The following SIM1 variants were observed in gnomAD, a reference collection of about 807,000 sequenced individuals.
SIM1 encodes the protein SIM bHLH transcription factor 1.
In SIM1, 18 loss-of-function variants were observed where a neutral mutation model predicts 78.2. The ratio of observed to expected loss-of-function variants is 0.23; its 90% CI spans 0.16 to 0.34. The LOEUF is 0.34. SIM1 is among the 10% of genes least tolerant of loss of function. The pLI is 1.00. For missense variants in SIM1, 939 were observed against 975.1 expected (o/e 0.96, Z 0.49); for synonymous variants, 417 against 385.2 (o/e 1.08, Z -0.97).
At chr6:100,453,972 A>C in intron 2 of SIM1, 128 bp from the exon 3 acceptor site, 1 of 568,358 alleles carries the variant, frequency 1.8e-6, no homozygotes, top group Non-Finnish European at 3.0e-6. Context: ...GATCCCTCTC[A>C]AAGTGGACAG....
In SIM1 at chr6:100,447,489, G is replaced by T; in HGVS notation, c.851-74C>A. 4.5e-6 allele frequency: 7 copies of T among 1,569,942 alleles called. No homozygotes were observed. In the East Asian group the frequency reaches 9.0e-5, roughly 20 times the overall value. On this transcript the variant is annotated intron_variant, in intron 8 of 11. Transcript: ENST00000369208. The stretch of plus-strand genomic sequence containing the variant: ...CTGGCCCCAAATGCAATCCCTGGTG[G>T]TAAGAATTGAGGGCTCCCTGTGGGC...
At chr6:100,446,040 AT>A (rs3839383) in intron 9 of SIM1, among the ~76,000 whole-genome samples, 12,797 of 152,180 alleles carry the variant, frequency 0.084, 1,393 homozygotes, top group African/African-American at 0.25. Flanking sequence ...GTTTACTAAG[AT>A]AAAAAAATTA....
intron 9 of SIM1, among the ~76,000 whole-genome samples, chr6:100,446,017 T>C (rs1772343734): frequency 6.6e-6 from 1 of 151,866 alleles, no homozygotes; most frequent in African/African-American, 2.4e-5. Context: ...AAGAATTATA[T>C]AATATTAACA....
chr6:100,398,959 GTA>G (rs767982212), intron 10 of SIM1, among the ~76,000 whole-genome samples: 1,562 of 96,642 alleles, frequency 0.016, 30 homozygotes, highest in African/African-American at 0.042. Context: ...GTGTGTGTGT[GTA>G]TGTGTAGTAG....
intron 9 of SIM1, among the ~76,000 whole-genome samples, chr6:100,439,546 C>T (rs1435779340): frequency 6.6e-6 from 1 of 152,122 alleles, no homozygotes; most frequent in Non-Finnish European, 1.5e-5. Context: ...TGTAATCATG[C>T]AATTAATCAT....
intron 2 of SIM1, chr6:100,462,950 T>C (rs903510919): frequency 3.5e-5 from 7 of 199,440 alleles, no homozygotes; most frequent in Non-Finnish European, 5.1e-5. Context: ...TGGACAAAAT[T>C]CTAACAAGAG....
At chr6:100,417,756 C>T (rs1008463059) in intron 10 of SIM1, among the ~76,000 whole-genome samples, 2 of 152,144 alleles carry the variant, frequency 1.3e-5, no homozygotes, top group Non-Finnish European at 2.9e-5. Flanking sequence ...TCTATACCAC[C>T]CAGGATAGCA....
intron 9 of SIM1, among the ~76,000 whole-genome samples, chr6:100,429,746 A>G (rs1771853206): frequency 6.6e-6 from 1 of 152,196 alleles, no homozygotes; most frequent in Non-Finnish European, 1.5e-5. Context: ...TTCTTTGTAA[A>G]AAAACACTAA....
At chr6:100,392,467 A>G (rs1474308318) in intron 11 of SIM1, among the ~76,000 whole-genome samples, 1 of 152,218 alleles carries the variant, frequency 6.6e-6, no homozygotes. Context: ...CTGTAGGTTA[A>G]GCCAGGATTT....
At chr6:100,400,015 C>A (rs1047183000) in intron 10 of SIM1, among the ~76,000 whole-genome samples, 1 of 151,696 alleles carries the variant, frequency 6.6e-6, no homozygotes, top group Non-Finnish European at 1.5e-5. Context: ...TAAAACAAAA[C>A]AAAAGACATT....
intron 2 of SIM1, among the ~76,000 whole-genome samples, chr6:100,457,767 C>T (rs529957131): frequency 6.6e-6 from 1 of 152,334 alleles, no homozygotes; most frequent in African/African-American, 2.4e-5. Flanking sequence ...TGCCTGCGGC[C>T]CTCTCCGGCT....
chr6:100,411,139 T>C (rs577839220), intron 10 of SIM1, among the ~76,000 whole-genome samples: 172 of 152,326 alleles, frequency 1.1e-3, no homozygotes, highest in African/African-American at 3.5e-3. Flanking sequence ...GCCCTGGAAC[T>C]AGGGCTGAGC....
At chr6:100,400,304 G>C (rs1770879799) in intron 10 of SIM1, among the ~76,000 whole-genome samples, 1 of 151,792 alleles carries the variant, frequency 6.6e-6, no homozygotes, top group South Asian at 2.1e-4. Context: ...TAATAAAGAA[G>C]AAAGCTTCTT....
chr6:100,447,240 G>A (rs771858360), intron 9 of SIM1, 28 bp downstream of exon 9: 1 of 1,606,550 alleles, frequency 6.2e-7, no homozygotes. Flanking sequence ...GCCTGGGGTG[G>A]GTGAAGGGGT....
intron 10 of SIM1, among the ~76,000 whole-genome samples, chr6:100,395,813 A>T (rs569094193): frequency 6.6e-6 from 1 of 152,150 alleles, no homozygotes; most frequent in Non-Finnish European, 1.5e-5. Context: ...AGAGAGATGA[A>T]CTACACAGGT....
chr6:100,412,632 GAAAGA>G lies in SIM1; in HGVS notation c.1167+8153_1167+8157del, dbSNP rs1397083401. On this transcript the variant is annotated intron_variant, in intron 10 of 11. Coordinates refer to ENST00000369208, the MANE Select transcript of SIM1 (RefSeq NM_005068.3). The stretch of plus-strand genomic sequence containing the variant: ...GAAAGGAAAGAAAGAAGGAAAGAAA[GAAAGA>G]AAAGAAAGAAAGAAAGAAAGAGAGA... 4.2e-3 allele frequency among the ~76,000 whole-genome samples: 366 copies of G among 87,034 alleles called. 9 individuals carry two copies. The highest frequency in any genetic ancestry group is 0.033 in the East Asian group (50 of 1,508). The allele number at this position is 87,034 out of a possible 152,430, so 57.1% of individuals were successfully genotyped here.
chr6:100,459,213 GT>G (rs1772772995), intron 2 of SIM1, among the ~76,000 whole-genome samples: 1 of 152,130 alleles, frequency 6.6e-6, no homozygotes, highest in South Asian at 2.1e-4. Flanking sequence ...TATAATACCT[GT>G]TTTTGTTGTT....
chr6:100,440,589 A>C (rs1478091890), intron 9 of SIM1, among the ~76,000 whole-genome samples: 3 of 152,186 alleles, frequency 2.0e-5, no homozygotes, highest in Non-Finnish European at 2.9e-5. Flanking sequence ...GGAGTCAGGG[A>C]GTTTACTCCC....
chr6:100,443,068 T>A (rs1772256533), intron 9 of SIM1, among the ~76,000 whole-genome samples: 1 of 152,082 alleles, frequency 6.6e-6, no homozygotes, highest in Non-Finnish European at 1.5e-5. Context: ...AGCCCCCTTT[T>A]TTTTTCATTG....
Sources: gnomAD v4.1 joint callset for allele counts (sites outside exome capture counted in the v4.1 genomes callset) on GRCh38, gnomAD v4.1.1 for gene constraint, MANE v1.5 for transcripts, NCBI Gene and HGNC (gene_info 2026-07-23, HGNC 2026-07-21) for gene names.